The following IGHMBP2 variants were observed in gnomAD, a reference collection of about 807,000 sequenced individuals.
The protein encoded by IGHMBP2 is DNA-binding protein SMUBP-2.
A neutral mutation model predicts 96.0 loss-of-function variants in IGHMBP2; 81 were observed. The ratio of observed to expected loss-of-function variants is 0.84; its 90% CI spans 0.71 to 1.01. IGHMBP2 has a LOEUF of 1.01. Ranked by LOEUF, IGHMBP2 falls within the 50% of genes least tolerant of loss-of-function variation. The pLI, the probability that IGHMBP2 is intolerant of heterozygous loss-of-function variation, is 0.00. For synonymous variants in IGHMBP2, 557 were observed against 548.9 expected (o/e 1.01, Z -0.21); for missense variants, 1,227 against 1,306.3 (o/e 0.94, Z 0.94).
intron 7 of IGHMBP2, among the ~76,000 whole-genome samples, chr11:68,918,814 G>A (rs1858770640): frequency 6.6e-6 from 1 of 152,158 alleles, no homozygotes; most frequent in Non-Finnish European, 1.5e-5. Context: ...CTGGCTGCAG[G>A]TTTCAATTGA....
chr11:68,934,706 T>G, intron 11 of IGHMBP2, 148 bp downstream of exon 11: 1 of 721,036 alleles, frequency 1.4e-6, no homozygotes, highest in East Asian at 2.7e-5. Flanking sequence ...AGGGCCCAAA[T>G]GATGTCGTCA....
At chr11:68,921,321 A>T (rs1188882509) in intron 7 of IGHMBP2, among the ~76,000 whole-genome samples, 1 of 151,938 alleles carries the variant, frequency 6.6e-6, no homozygotes, top group East Asian at 1.9e-4. Flanking sequence ...CTGGTCTCGA[A>T]CTCCTGGACT....
intron 8 of IGHMBP2, among the ~76,000 whole-genome samples, chr11:68,930,720 T>C (rs561857993): frequency 6.6e-6 from 1 of 152,230 alleles, no homozygotes; most frequent in South Asian, 2.1e-4. Flanking sequence ...AACAGTTTTA[T>C]TTAGTGTTAG....
intron 10 of IGHMBP2, 30 bp downstream of exon 10, chr11:68,933,943 T>C (rs558561646): frequency 5.0e-5 from 70 of 1,409,318 alleles, no homozygotes; most frequent in Non-Finnish European, 6.8e-5. Flanking sequence ...GCCAGCTTTT[T>C]TGTTTAAACA....
At chr11:68,917,085 A>G (rs935560839) in intron 6 of IGHMBP2, among the ~76,000 whole-genome samples, 4 of 148,990 alleles carry the variant, frequency 2.7e-5, no homozygotes, top group Admixed American at 6.7e-5. Flanking sequence ...GGTTCAAGCA[A>G]TTCTCCTGCC....
chr11:68,917,684 G>A, intron 6 of IGHMBP2, 52 bp from the exon 7 acceptor site: 1 of 1,435,350 alleles, frequency 7.0e-7, no homozygotes. Context: ...TAGAGTTGAA[G>A]AAGTACAAAG....
At chr11:68,927,838 C>G (rs1239731689) in intron 7 of IGHMBP2, among the ~76,000 whole-genome samples, 1 of 152,098 alleles carries the variant, frequency 6.6e-6, no homozygotes, top group Non-Finnish European at 1.5e-5. Flanking sequence ...GAATGCCAAC[C>G]CTGTTCTGCA....
intron 7 of IGHMBP2, among the ~76,000 whole-genome samples, chr11:68,924,964 T>G (rs1594439995): frequency 6.7e-6 from 1 of 149,432 alleles, no homozygotes; most frequent in Non-Finnish European, 1.5e-5. Context: ...TGTCTCTGTG[T>G]TTTTTTTTTA....
In IGHMBP2 at chr11:68,939,948, G is replaced by C. The variant is rs183471251; in HGVS notation, c.*217G>C. 5.6e-5 allele frequency: 33 copies of C among 590,836 alleles called. No homozygotes were observed. The South Asian group carries it at 6.4e-4, about 12-fold the overall frequency. 36.6% of individuals were successfully genotyped at this position (590,836 alleles called of 1,614,324 possible). ...AAGCACCTGGGGGACAACAGTGCTC[G>C]TGCAGGTGGGGCTTGGGAAATGCAC... On this transcript the variant is annotated 3_prime_UTR_variant, in exon 15 of 15. Coordinates refer to ENST00000255078, the MANE Select transcript of IGHMBP2 (RefSeq NM_002180.3).
chr11:68,904,611 TGGGTGCGGAGTA>T (rs1555241919), intron 1 of IGHMBP2, among the ~76,000 whole-genome samples: 1 of 151,560 alleles, frequency 6.6e-6, no homozygotes, highest in Non-Finnish European at 1.5e-5. Context: ...GTTAAGCTGG[TGGGTGCGGAGTA>T]GGGTGGGGAG....
At position 68,935,308 on chromosome 11, in the gene IGHMBP2, C is replaced by T; in HGVS notation, c.1642C>T (p.Leu548Phe). 1 of 1,614,044 alleles carries T rather than the reference C, an allele frequency of 6.2e-7. No individual in the cohort carries two copies. The highest frequency in any genetic ancestry group is 8.5e-7 in the Non-Finnish European group (1 of 1,180,008). Reference sequence around the variant, plus strand: ...CCGGCTGGTGTTTCAGGTGGACCTGCTCAGACAGAGCCTTGTGCACAGGCA... The same window carrying T: ...CCGGCTGGTGTTTCAGGTGGACCTGTTCAGACAGAGCCTTGTGCACAGGCA... ...VSPYNLQVDL[L>F]RQSLVHRHPE... The change falls in exon 12 of 15, where the codon CTC becomes TTC. Residue 548 changes from leucine (L) to phenylalanine (F), a missense_variant. Leu to Phe is a conservative substitution (Grantham distance 22). Transcript: ENST00000255078.
chr11:68,904,399 C>T (rs1163700014), intron 1 of IGHMBP2, among the ~76,000 whole-genome samples: 1 of 152,152 alleles, frequency 6.6e-6, no homozygotes, highest in South Asian at 2.1e-4. Context: ...CAGTCAGGCC[C>T]CGGCAGCATG....
intron 8 of IGHMBP2, chr11:68,930,376 A>G (rs1014110796): frequency 4.7e-6 from 6 of 1,289,678 alleles, no homozygotes; most frequent in Non-Finnish European, 6.1e-6. Flanking sequence ...GAAGATGTGC[A>G]AGAAATCCTG....
In IGHMBP2 at chr11:68,929,319, C is replaced by A. The variant is rs377631839; in HGVS notation, c.1197C>A (p.Gly399=). 1 of 1,613,566 alleles carries A rather than the reference C, an allele frequency of 6.2e-7. No individual in the cohort carries two copies. Among genetic ancestry groups the A allele is most frequent in the South Asian group, 1.1e-5 (1 of 91,072 alleles). ...AGGCCAGAAAGTGCATCCTGGCGGG[C>A]GATCACAAGCAGCTGCCCCCCACCA... ...LLKARKCILA[G]DHKQLPPTTV... Residue 399 remains glycine, a synonymous_variant, in exon 8 of 15, where the codon GGC becomes GGA. Transcript: ENST00000255078.
chr11:68,915,039 A>C lies in IGHMBP2; in HGVS notation c.912+16A>C. 6.2e-7 allele frequency: 1 copy of C among 1,609,916 alleles called. No individual in the cohort carries two copies. Among genetic ancestry groups the C allele is most frequent in the Admixed American group, 1.7e-5 (1 of 60,020 alleles). On this transcript the variant is annotated intron_variant, in intron 6 of 14. Coordinates refer to ENST00000255078, the MANE Select transcript of IGHMBP2 (RefSeq NM_002180.3). ...CCAGGTCTTTGTAGGTGTCATGGCCAGTGTCCATGTGGGGCGTGGGCTTCT... is the reference window on the plus strand; with the variant it reads ...CCAGGTCTTTGTAGGTGTCATGGCCCGTGTCCATGTGGGGCGTGGGCTTCT...
At chr11:68,905,168 C>T (rs1409457051) in intron 1 of IGHMBP2, among the ~76,000 whole-genome samples, 1 of 152,170 alleles carries the variant, frequency 6.6e-6, no homozygotes, top group Non-Finnish European at 1.5e-5. Context: ...GTAACTTGCC[C>T]CGGGGTGACA....
chr11:68,909,696 C>T (rs766735846), intron 4 of IGHMBP2, among the ~76,000 whole-genome samples: 7 of 146,304 alleles, frequency 4.8e-5, no homozygotes, highest in South Asian at 2.2e-4. Flanking sequence ...GGTGCGACCT[C>T]GGCTCACTGC....
intron 14 of IGHMBP2, 72 bp from the exon 15 acceptor site, chr11:68,939,462 T>G: frequency 1.3e-6 from 2 of 1,535,438 alleles, no homozygotes; most frequent in Non-Finnish European, 9.0e-7. Flanking sequence ...CCCCAGCTCT[T>G]TGATAGGCAG....
chr11:68,927,905 G>A (rs1003806433), intron 7 of IGHMBP2, among the ~76,000 whole-genome samples: 2 of 152,330 alleles, frequency 1.3e-5, no homozygotes, highest in African/African-American at 4.8e-5. Context: ...AGGGTTTCAA[G>A]GCTGCCATAG....
Sources: allele counts gnomAD v4.1 joint callset (sites outside exome capture counted in the v4.1 genomes callset), GRCh38; gene constraint gnomAD v4.1.1; transcripts MANE v1.5; gene names NCBI Gene and HGNC (gene_info 2026-07-23, HGNC 2026-07-21).